The following FRMD4B variants were observed in gnomAD, a reference collection of about 807,000 sequenced individuals.
FRMD4B encodes FERM domain containing 4B, also known as FERM domain-containing protein 4B.
A neutral mutation model predicts 141.5 loss-of-function variants in FRMD4B; 74 were observed. That is an observed-to-expected ratio of 0.52 (90% CI 0.43 to 0.63). FRMD4B has a LOEUF of 0.63. Among genes scored for constraint, FRMD4B ranks in the 30% least tolerant of loss-of-function variants. The probability of loss-of-function intolerance (pLI) is 0.00; values close to 1 mark genes in which losing one functional copy is unlikely to be tolerated. For missense variants in FRMD4B, 1,366 were observed against 1,253.4 expected (o/e 1.09, Z -1.36); for synonymous variants, 506 against 467.9 (o/e 1.08, Z -1.05).
intron 9 of FRMD4B, 21 bp from the exon 10 acceptor site, chr3:69,218,400 T>A: frequency 8.7e-7 from 1 of 1,145,670 alleles, no homozygotes; most frequent in Non-Finnish European, 1.3e-6. Flanking sequence ...TAAATATGTA[T>A]CACAATCTTA....
chr3:69,265,024 G>A (rs1475616745), intron 5 of FRMD4B, among the ~76,000 whole-genome samples: 1 of 152,054 alleles, frequency 6.6e-6, no homozygotes, highest in East Asian at 1.9e-4. Context: ...GGGAGGCAGA[G>A]GCAGGCGGAT....
At chr3:69,197,262 T>C (rs6549187) in intron 12 of FRMD4B, among the ~76,000 whole-genome samples, 132,809 of 152,140 alleles carry the variant, frequency 0.87, 60,484 homozygotes, top group Non-Finnish European at 0.99. Flanking sequence ...TAAAAACACA[T>C]ACACATGAAC....
chr3:69,364,145 A>G (rs1289301040), intron 1 of FRMD4B, among the ~76,000 whole-genome samples: 1 of 152,222 alleles, frequency 6.6e-6, no homozygotes, highest in East Asian at 1.9e-4. Flanking sequence ...AATGAACACA[A>G]AACAAGAGAA....
At chr3:69,427,643 G>GTTTTTTTTTTGTTTTTT (rs1705106195) in intron 2 of FRMD4B, among the ~76,000 whole-genome samples, 1 of 36,238 alleles carries the variant, frequency 2.8e-5, no homozygotes, top group Non-Finnish European at 5.1e-5. Context: ...CTAGGTAAAT[G>GTTTTTTTTTTGTTTTTT]TTTTTTTTTT....
At chr3:69,497,050 C>A (rs1284138692) in intron 1 of FRMD4B, among the ~76,000 whole-genome samples, 1 of 152,010 alleles carries the variant, frequency 6.6e-6, no homozygotes. Context: ...TTGTTTTGGT[C>A]AATAGGCTGT....
intron 1 of FRMD4B, among the ~76,000 whole-genome samples, chr3:69,480,186 T>TGC (rs1273666775): frequency 6.6e-6 from 1 of 152,256 alleles, no homozygotes; most frequent in Non-Finnish European, 1.5e-5. Flanking sequence ...TTTGATCGTC[T>TGC]GAAGCCTTCT....
At chr3:69,465,626 T>C (rs1182240549) in intron 1 of FRMD4B, among the ~76,000 whole-genome samples, 1 of 151,304 alleles carries the variant, frequency 6.6e-6, no homozygotes, top group Non-Finnish European at 1.5e-5. Context: ...CACCTATGAG[T>C]AAGAATATGT....
At position 69,384,598 on chromosome 3, in the gene FRMD4B, C is replaced by T. The variant is rs376368271; in HGVS notation, c.162+1230G>A. ...ATTCCCTAATACTCTCAAACTCCCA[C>T]ATGCTGCCCTGGTTCCCAACCTGCC... On this transcript the variant is annotated intron_variant, in intron 1 of 22. Coordinates refer to ENST00000398540, the MANE Select transcript of FRMD4B (RefSeq NM_015123.3). 2.7e-4 allele frequency among the ~76,000 whole-genome samples: 41 copies of T among 152,326 alleles called. 1 individual carries two copies. In the East Asian group the frequency reaches 7.3e-3, roughly 27 times the overall value.
chr3:69,218,057 C>A (rs1202105506), intron 10 of FRMD4B, among the ~76,000 whole-genome samples: 2 of 152,210 alleles, frequency 1.3e-5, no homozygotes, highest in South Asian at 2.1e-4. Context: ...AAATGAAGAT[C>A]TGGTAGTGCT....
At chr3:69,330,625 G>A (rs1702337742) in intron 1 of FRMD4B, among the ~76,000 whole-genome samples, 2 of 151,380 alleles carry the variant, frequency 1.3e-5, no homozygotes, top group South Asian at 2.1e-4. Flanking sequence ...GATTACAGAC[G>A]TGAGCCACTG....
chr3:69,318,407 A>C (rs1701875813), intron 1 of FRMD4B, among the ~76,000 whole-genome samples: 1 of 152,220 alleles, frequency 6.6e-6, no homozygotes, highest in Non-Finnish European at 1.5e-5. Flanking sequence ...ATCTACTCAT[A>C]ATCACTGAGG....
rs75194520 is a variant in FRMD4B at position 69,378,878 on chromosome 3, T to C, written c.162+6950A>G. Among the ~76,000 whole-genome samples the C allele has an allele frequency of 4.5e-3, 691 of 152,142 alleles. 7 individuals are homozygous for C. Among genetic ancestry groups the C allele is most frequent in the African/African-American group, 0.016 (665 of 41,528 alleles). ...ATGTTCCATGCCTGAAATACCCTTC[T>C]ACCTTCCTCCTACTTGTCCTTCAAA... On this transcript the variant is annotated intron_variant, in intron 1 of 22. Transcript: ENST00000398540.
chr3:69,456,336 A>C (rs2106907377), intron 1 of FRMD4B, among the ~76,000 whole-genome samples: 2 of 152,326 alleles, frequency 1.3e-5, no homozygotes, highest in South Asian at 4.1e-4. Context: ...GCAAAAGACT[A>C]AAAAAATTCA....
chr3:69,178,643 A>G (rs2092674427), intron 21 of FRMD4B, among the ~76,000 whole-genome samples: 1 of 150,704 alleles, frequency 6.6e-6, no homozygotes, highest in Non-Finnish European at 1.5e-5. Context: ...CTGCACTCCA[A>G]TGTGGGTGAC....
At chr3:69,413,700 G>T (rs1238023808) in intron 2 of FRMD4B, among the ~76,000 whole-genome samples, 5 of 152,104 alleles carry the variant, frequency 3.3e-5, no homozygotes, top group Admixed American at 6.5e-5. Flanking sequence ...TGACTTGATT[G>T]CCTCATTAAT....
chr3:69,521,933 G>T (rs1436261418), intron 1 of FRMD4B, among the ~76,000 whole-genome samples: 1 of 152,148 alleles, frequency 6.6e-6, no homozygotes, highest in Non-Finnish European at 1.5e-5. Flanking sequence ...GGTCCTCATG[G>T]TCACACACAA....
At chr3:69,478,949 C>A (rs945595140) in intron 1 of FRMD4B, among the ~76,000 whole-genome samples, 10 of 147,280 alleles carry the variant, frequency 6.8e-5, no homozygotes, top group Admixed American at 5.4e-4. Flanking sequence ...GATCCCTTTA[C>A]CATTATGTAA....
At chr3:69,378,245 T>C (rs200556443) in intron 1 of FRMD4B, among the ~76,000 whole-genome samples, 1 of 152,202 alleles carries the variant, frequency 6.6e-6, no homozygotes, top group East Asian at 1.9e-4. Context: ...CACGCTGTTC[T>C]GTGGCAAGGC....
chr3:69,253,804 G>A (rs2093477367), intron 5 of FRMD4B, among the ~76,000 whole-genome samples: 1 of 152,196 alleles, frequency 6.6e-6, no homozygotes, highest in South Asian at 2.1e-4. Flanking sequence ...ACAGTTTATT[G>A]AAGTCTGGCT....
Sources: gnomAD v4.1 joint callset for allele counts (sites outside exome capture counted in the v4.1 genomes callset) on GRCh38, gnomAD v4.1.1 for gene constraint, MANE v1.5 for transcripts, NCBI Gene and HGNC (gene_info 2026-07-23, HGNC 2026-07-21) for gene names.